The following TSEN2 variants were observed in gnomAD, a reference collection of about 807,000 sequenced individuals.
TSEN2 encodes the protein tRNA-splicing endonuclease subunit Sen2.
In TSEN2, 54 loss-of-function variants were observed where a neutral mutation model predicts 59.2. The observed-to-expected ratio is 0.91, with a 90% CI of 0.73 to 1.14. TSEN2 has a LOEUF of 1.14. Ranked by LOEUF, TSEN2 falls within the 50% of genes most tolerant of loss-of-function variation. The probability of loss-of-function intolerance (pLI) is 0.00; values close to 1 mark genes in which losing one functional copy is unlikely to be tolerated. For missense variants in TSEN2, 636 were observed against 576.2 expected (o/e 1.10, Z -1.06); for synonymous variants, 195 against 198.2 (o/e 0.98, Z 0.14).
intron 8 of TSEN2, among the ~76,000 whole-genome samples, chr3:12,520,887 G>A (rs1349326091): frequency 4.6e-5 from 7 of 152,120 alleles, no homozygotes; most frequent in Non-Finnish European, 1.0e-4. Flanking sequence ...GATCACCCAG[G>A]TACTAGGCCT....
intron 8 of TSEN2, among the ~76,000 whole-genome samples, chr3:12,520,825 G>T (rs1157209535): frequency 6.6e-6 from 1 of 152,096 alleles, no homozygotes; most frequent in African/African-American, 2.4e-5. Context: ...ACATGTGCAG[G>T]TTTGTTACAT....
intron 3 of TSEN2, among the ~76,000 whole-genome samples, chr3:12,492,513 G>T (rs1318782818): frequency 1.3e-5 from 2 of 152,100 alleles, no homozygotes; most frequent in African/African-American, 4.8e-5. Context: ...GCTCACCTGT[G>T]GCACTATGCA....
rs750184314 is a variant in TSEN2 at position 12,531,675 on chromosome 3, G to A, written c.1338+16G>A. 20 of 1,495,444 alleles carry A rather than the reference G, an allele frequency of 1.3e-5. No individual in the cohort carries two copies. In the Admixed American group the frequency reaches 2.5e-4, roughly 19 times the overall value. The allele number at this position is 1,495,444 out of a possible 1,614,324, so 92.6% of individuals were successfully genotyped here. A position where few individuals can be genotyped will look rare whatever the true frequency, so the allele number is the denominator to read the frequency against. ...TAAAGTTCAGGTGGGTAAACTCAGA[G>A]AAATTCATGTCATCCCAAAGATTCT... On this transcript the variant is annotated intron_variant, in intron 11 of 11. Transcript: ENST00000284995.
chr3:12,494,731 G>A (rs1051116921), intron 3 of TSEN2, among the ~76,000 whole-genome samples: 3 of 149,768 alleles, frequency 2.0e-5, no homozygotes, highest in Non-Finnish European at 4.5e-5. Context: ...ATAAAGCATA[G>A]TTTTTTAAAA....
At position 12,496,607 on chromosome 3, in the gene TSEN2, T is replaced by C. The variant is rs2053773053; in HGVS notation, c.308+53T>C. ...TCAAAATGATGGTTTAAGTCAGATGTTTTTAGGTAGTCTTGTCCCATGTAG... is the reference window on the plus strand; with the variant it reads ...TCAAAATGATGGTTTAAGTCAGATGCTTTTAGGTAGTCTTGTCCCATGTAG... On this transcript the variant is annotated intron_variant, in intron 4 of 11. Coordinates refer to ENST00000284995, the MANE Select transcript of TSEN2 (RefSeq NM_025265.4). 5 of 1,590,950 alleles carry C rather than the reference T, an allele frequency of 3.1e-6. No homozygotes were observed. The African/African-American group carries it at 4.0e-5, about 13-fold the overall frequency.
rs1245030810 is a variant in TSEN2, at chr3:12,505,463, G to A, written c.909+232G>A. On this transcript the variant is annotated intron_variant, in intron 6 of 11. Coordinates refer to ENST00000284995, the MANE Select transcript of TSEN2 (RefSeq NM_025265.4). ...AATCATTCCACAGAAGATTCGAGGG[G>A]TTTTTCTGAGTACTTCTTTTCTCAT... 3.5e-5 allele frequency: 17 copies of A among 489,066 alleles called. No individual in the cohort carries two copies. The East Asian group carries it at 6.2e-4, about 18-fold the overall frequency. The allele number at this position is 489,066 out of a possible 1,614,324, so 30.3% of individuals were successfully genotyped here.
intron 1 of TSEN2, among the ~76,000 whole-genome samples, chr3:12,486,970 C>T (rs745601910): frequency 6.6e-6 from 1 of 152,192 alleles, no homozygotes; most frequent in Non-Finnish European, 1.5e-5. Context: ...CACTTTGATG[C>T]TATTATGAAT....
intron 1 of TSEN2, among the ~76,000 whole-genome samples, chr3:12,488,636 T>C (rs1015924289): frequency 9.9e-5 from 15 of 152,246 alleles, no homozygotes; most frequent in African/African-American, 2.9e-4. Flanking sequence ...GTTATATACT[T>C]GTTTTGTCTC....
At chr3:12,522,631 T>G (rs1367109371) in intron 8 of TSEN2, among the ~76,000 whole-genome samples, 1 of 152,254 alleles carries the variant, frequency 6.6e-6, no homozygotes. Context: ...AGCCTAGAAC[T>G]GCCAACATAG....
chr3:12,488,804 C>G (rs1188971829), intron 1 of TSEN2, among the ~76,000 whole-genome samples: 1 of 152,208 alleles, frequency 6.6e-6, no homozygotes, highest in African/African-American at 2.4e-5. Context: ...TAGATAGACC[C>G]TGCCTGTGCT....
At chr3:12,514,072 A>T (rs1169705102) in intron 6 of TSEN2, among the ~76,000 whole-genome samples, 6 of 152,232 alleles carry the variant, frequency 3.9e-5, no homozygotes, top group Non-Finnish European at 2.9e-5. Context: ...CAGAGTTTAC[A>T]TTCTAGTCGG....
intron 4 of TSEN2, among the ~76,000 whole-genome samples, chr3:12,498,603 A>G (rs1188057709): frequency 1.3e-5 from 2 of 152,242 alleles, no homozygotes; most frequent in Admixed American, 6.5e-5. Flanking sequence ...TTACATTAAC[A>G]TAACAAAGGA....
chr3:12,485,357 C>A (rs2052501267), intron 1 of TSEN2, among the ~76,000 whole-genome samples: 1 of 152,148 alleles, frequency 6.6e-6, no homozygotes, highest in African/African-American at 2.4e-5. Flanking sequence ...GAATAAGAAA[C>A]AGACTCTGCT....
At chr3:12,502,908 C>G (rs1235870506) in intron 4 of TSEN2, among the ~76,000 whole-genome samples, 1 of 151,900 alleles carries the variant, frequency 6.6e-6, no homozygotes, top group Non-Finnish European at 1.5e-5. Context: ...CCCATCTCTA[C>G]TAAAAATACA....
rs1033722310 is a variant in TSEN2 at position 12,508,720 on chromosome 3, T to G, written c.909+3489T>G. On this transcript the variant is annotated intron_variant, in intron 6 of 11. Transcript: ENST00000284995. ...CAGAGATTTGGAAATTTTCATAGAG[T>G]AATTGAAGAGCTATAAACTGTATTT... Among the ~76,000 whole-genome samples, 3 of 152,280 alleles carry G rather than the reference T, an allele frequency of 2.0e-5. No homozygotes were observed. The South Asian group carries it at 6.2e-4, about 32-fold the overall frequency.
intron 6 of TSEN2, chr3:12,506,676 C>T: frequency 3.7e-5 from 36 of 984,886 alleles, no homozygotes; most frequent in Non-Finnish European, 4.2e-5. Flanking sequence ...TCACTTTATG[C>T]TCAGACCCTC....
At chr3:12,499,112 A>T (rs2054038742) in intron 4 of TSEN2, among the ~76,000 whole-genome samples, 1 of 151,976 alleles carries the variant, frequency 6.6e-6, no homozygotes, top group Non-Finnish European at 1.5e-5. Flanking sequence ...TTTCAAGTCG[A>T]TTCACTCAAA....
At chr3:12,507,355 C>G (rs2125074559) in intron 6 of TSEN2, among the ~76,000 whole-genome samples, 1 of 152,246 alleles carries the variant, frequency 6.6e-6, no homozygotes, top group Non-Finnish European at 1.5e-5. Flanking sequence ...CCCACATGTA[C>G]CCGTTCTTAG....
chr3:12,488,022 A>G (rs1035316978), intron 1 of TSEN2, among the ~76,000 whole-genome samples: 2 of 152,102 alleles, frequency 1.3e-5, no homozygotes, highest in Admixed American at 6.6e-5. Flanking sequence ...CATTTCCTCT[A>G]ACTCCTCTTT....
Sources: allele counts gnomAD v4.1 joint callset (sites outside exome capture counted in the v4.1 genomes callset), GRCh38; gene constraint gnomAD v4.1.1; transcripts MANE v1.5; gene names NCBI Gene and HGNC (gene_info 2026-07-23, HGNC 2026-07-21).